The following ADGRV1 variants were observed in gnomAD, a reference collection of about 807,000 sequenced individuals.
ADGRV1 encodes G-protein coupled receptor 98.
A neutral mutation model predicts 596.2 loss-of-function variants in ADGRV1; 359 were observed. The observed-to-expected ratio is 0.60, with a 90% CI of 0.55 to 0.66. ADGRV1 has a LOEUF of 0.66. Among genes scored for constraint, ADGRV1 ranks in the 30% least tolerant of loss-of-function variants. The probability of loss-of-function intolerance (pLI) is 0.00; values close to 1 mark genes in which losing one functional copy is unlikely to be tolerated. For missense variants in ADGRV1, 7,274 were observed against 7,575.6 expected (o/e 0.96, Z 1.48); for synonymous variants, 2,681 against 2,679.2 (o/e 1.00, Z -0.02).
chr5:90,819,798 T>G, intron 75 of ADGRV1, among the ~76,000 whole-genome samples: 1 of 152,314 alleles, frequency 6.6e-6, no homozygotes, highest in East Asian at 1.9e-4. Context: ...TTATAATCTC[T>G]GTTCTTTTAC....
In ADGRV1 at chr5:90,653,324, G is replaced by T. The variant is rs1310227962; in HGVS notation, c.3750G>T (p.Glu1250Asp). The T allele has an allele frequency of 6.2e-7, 1 of 1,613,968 alleles. No homozygotes were observed. Among genetic ancestry groups the T allele is most frequent in the South Asian group, 1.1e-5 (1 of 91,080 alleles). ...TTATCTTGGATCCAGAGTGTTTAGAGAGAGAAGTGGCAGAAGATGTCCTGT... is the reference window on the plus strand; with the variant it reads ...TTATCTTGGATCCAGAGTGTTTAGATAGAGAAGTGGCAGAAGATGTCCTGT... ...GVFILDPECLEREVAEDVLSE... is the reference protein window; with the variant it reads ...GVFILDPECLDREVAEDVLSE... The change falls in exon 20 of 90, where the codon GAG (glutamate) becomes GAT (aspartate). Residue 1250 changes from glutamate (E) to aspartate (D), a missense_variant. By Grantham distance (45) the Glu-to-Asp change is conservative. This residue lies in a region of ADGRV1 where 1,715 missense variants were observed against 1,708.8 expected (regional missense o/e 1.00). Transcript: ENST00000405460.
intron 34 of ADGRV1, among the ~76,000 whole-genome samples, chr5:90,699,839 A>T (rs16869010): frequency 0.31 from 47,821 of 151,974 alleles, 8,040 homozygotes; most frequent in Admixed American, 0.48. Flanking sequence ...AATTATCTGC[A>T]GGAGAGGCAA....
intron 85 of ADGRV1, among the ~76,000 whole-genome samples, chr5:90,999,158 G>A (rs115404304): frequency 0.02 from 2,968 of 151,816 alleles, 38 homozygotes; most frequent in Non-Finnish European, 0.03. Flanking sequence ...ATAGCTATTA[G>A]CTTTTGTCTC....
At chr5:90,790,177 A>G (rs1759909976) in intron 69 of ADGRV1, among the ~76,000 whole-genome samples, 1 of 152,214 alleles carries the variant, frequency 6.6e-6, no homozygotes, top group Non-Finnish European at 1.5e-5. Flanking sequence ...TGATTTGTGT[A>G]AATTCTCCAG....
chr5:90,860,744 A>G (rs908573985), intron 82 of ADGRV1, among the ~76,000 whole-genome samples: 3 of 151,400 alleles, frequency 2.0e-5, no homozygotes, highest in Non-Finnish European at 4.4e-5. Context: ...AGCCTAAGCT[A>G]AAAAGCTAAT....
intron 70 of ADGRV1, chr5:90,792,591 G>A (rs890576500): frequency 2.6e-5 from 4 of 151,046 alleles, no homozygotes; most frequent in East Asian, 2.0e-4. Flanking sequence ...CAATTTTACC[G>A]TAAGCTAATT....
At chr5:90,921,980 A>G (rs974603929) in intron 83 of ADGRV1, among the ~76,000 whole-genome samples, 1 of 152,042 alleles carries the variant, frequency 6.6e-6, no homozygotes, top group African/African-American at 2.4e-5. Context: ...AAGTTGTTCA[A>G]TCACTTCTAT....
chr5:90,799,568 G>A (rs1761129814), intron 70 of ADGRV1, among the ~76,000 whole-genome samples: 1 of 152,174 alleles, frequency 6.6e-6, no homozygotes, highest in African/African-American at 2.4e-5. Context: ...CATAGAATTG[G>A]AAAAAACTAC....
intron 17 of ADGRV1, among the ~76,000 whole-genome samples, chr5:90,651,310 T>C (rs1768584400): frequency 6.6e-6 from 1 of 152,210 alleles, no homozygotes; most frequent in East Asian, 1.9e-4. Context: ...GAAAAGTGTG[T>C]TTTTCAATAA....
At chr5:90,792,630 C>T (rs1216064066) in intron 70 of ADGRV1, 1 of 152,178 alleles carries the variant, frequency 6.6e-6, no homozygotes, top group African/African-American at 2.4e-5. Flanking sequence ...TAAGTTCCTA[C>T]AGCATATTTC....
At chr5:90,816,055 C>A (rs1226905674) in intron 75 of ADGRV1, among the ~76,000 whole-genome samples, 1 of 152,128 alleles carries the variant, frequency 6.6e-6, no homozygotes, top group Non-Finnish European at 1.5e-5. Flanking sequence ...CTTGGAGTAC[C>A]AAAACTTTGT....
chr5:90,783,704 C>A, intron 66 of ADGRV1, 134 bp from the exon 67 acceptor site: 1 of 638,256 alleles, frequency 1.6e-6, no homozygotes. Context: ...GCTAAGCACC[C>A]ACTTCTTACC....
intron 85 of ADGRV1, among the ~76,000 whole-genome samples, chr5:91,002,428 G>A (rs1441559170): frequency 6.6e-6 from 1 of 151,968 alleles, no homozygotes; most frequent in Non-Finnish European, 1.5e-5. Context: ...GTGTCATTTT[G>A]CTTATTACTG....
At chr5:90,711,344 A>G (rs753880630) in intron 41 of ADGRV1, 22 bp downstream of exon 41, 1 of 1,562,164 alleles carries the variant, frequency 6.4e-7, no homozygotes, top group South Asian at 1.2e-5. Context: ...AATCTATCAC[A>G]GATGACTTTT....
intron 59 of ADGRV1, among the ~76,000 whole-genome samples, chr5:90,764,531 C>T (rs750302683): frequency 1.8e-4 from 28 of 152,190 alleles, no homozygotes; most frequent in Non-Finnish European, 3.1e-4. Context: ...TCCCTCTCTA[C>T]GACTGTCCCT....
chr5:90,604,633 A>G (rs1761843926), intron 1 of ADGRV1, among the ~76,000 whole-genome samples: 1 of 152,192 alleles, frequency 6.6e-6, no homozygotes, highest in Non-Finnish European at 1.5e-5. Flanking sequence ...AGACCGCTTC[A>G]TAATATGTGA....
intron 70 of ADGRV1, among the ~76,000 whole-genome samples, chr5:90,799,052 AC>A (rs1225969075): frequency 6.6e-6 from 1 of 152,212 alleles, no homozygotes; most frequent in African/African-American, 2.4e-5. Context: ...CCCCTATTTA[AC>A]ATAGTATTGG....
At chr5:90,737,492 T>C (rs1165848931) in intron 50 of ADGRV1, among the ~76,000 whole-genome samples, 1 of 151,992 alleles carries the variant, frequency 6.6e-6, no homozygotes, top group East Asian at 1.9e-4. Context: ...ATTGATGTGC[T>C]GTCTAGATAG....
intron 83 of ADGRV1, among the ~76,000 whole-genome samples, chr5:90,877,615 C>G (rs2150525860): frequency 6.7e-6 from 1 of 149,502 alleles, no homozygotes; most frequent in East Asian, 2.0e-4. Flanking sequence ...ATGTCTCTTA[C>G]AAATTTCATA....
Sources: allele counts gnomAD v4.1 joint callset (sites outside exome capture counted in the v4.1 genomes callset), GRCh38; gene constraint gnomAD v4.1.1; regional missense constraint gnomAD v4.1.1; transcripts MANE v1.5; gene names NCBI Gene and HGNC (gene_info 2026-07-23, HGNC 2026-07-21).